SMAP1: variants seen among roughly 807,000 people sequenced by gnomAD.
SMAP1 encodes the protein stromal membrane-associated protein 1.
SMAP1 carries 24 observed loss-of-function variants against 58.5 expected under a neutral mutation model. That is an observed-to-expected ratio of 0.41 (90% CI 0.30 to 0.58). The LOEUF is 0.58. Among genes scored for constraint, SMAP1 ranks in the 20% least tolerant of loss-of-function variants. SMAP1 has a pLI of 0.29. For missense variants in SMAP1, 563 were observed against 566.3 expected (o/e 0.99, Z 0.06); for synonymous variants, 216 against 196.6 (o/e 1.10, Z -0.82).
At chr6:70,806,984 T>C (rs1444274491) in intron 6 of SMAP1, among the ~76,000 whole-genome samples, 1 of 152,202 alleles carries the variant, frequency 6.6e-6, no homozygotes, top group Admixed American at 6.5e-5. Context: ...CATATATGTC[T>C]TCAGGTTCTT....
intron 3 of SMAP1, among the ~76,000 whole-genome samples, chr6:70,771,654 C>A (rs1767320491): frequency 6.6e-6 from 1 of 152,288 alleles, no homozygotes; most frequent in East Asian, 1.9e-4. Flanking sequence ...TGCCGTCTGT[C>A]ACCCCTTTCT....
At chr6:70,770,417 G>A (rs1767227419) in intron 3 of SMAP1, among the ~76,000 whole-genome samples, 1 of 152,122 alleles carries the variant, frequency 6.6e-6, no homozygotes, top group African/African-American at 2.4e-5. Context: ...TTTTCACATA[G>A]TCCCATATTT....
At chr6:70,836,105 A>G (rs1770571157) in intron 6 of SMAP1, among the ~76,000 whole-genome samples, 1 of 152,162 alleles carries the variant, frequency 6.6e-6, no homozygotes, top group South Asian at 2.1e-4. Context: ...GAAGACTCCA[A>G]GGCCTCCCCA....
chr6:70,836,381 T>G (rs1474825102), intron 6 of SMAP1, among the ~76,000 whole-genome samples: 1 of 152,166 alleles, frequency 6.6e-6, no homozygotes, highest in Non-Finnish European at 1.5e-5. Flanking sequence ...GTGATTTAAT[T>G]ACCTCCCACT....
At chr6:70,783,332 T>C (rs1044755681) in intron 4 of SMAP1, among the ~76,000 whole-genome samples, 3 of 151,912 alleles carry the variant, frequency 2.0e-5, no homozygotes, top group African/African-American at 7.3e-5. Context: ...CAAAAGTAGA[T>C]GAAACCACAA....
At chr6:70,684,915 G>T (rs1194459380) in intron 1 of SMAP1, among the ~76,000 whole-genome samples, 1 of 152,164 alleles carries the variant, frequency 6.6e-6, no homozygotes, top group Non-Finnish European at 1.5e-5. Context: ...CTCTCCCACT[G>T]CTGACTCTGA....
At chr6:70,745,287 T>C (rs1029760700) in intron 2 of SMAP1, among the ~76,000 whole-genome samples, 2 of 152,228 alleles carry the variant, frequency 1.3e-5, no homozygotes, top group Non-Finnish European at 2.9e-5. Context: ...CGTTTTCTTA[T>C]AGGGTTTTTA....
intron 1 of SMAP1, among the ~76,000 whole-genome samples, chr6:70,710,746 T>A (rs1768023426): frequency 6.6e-6 from 1 of 152,164 alleles, no homozygotes; most frequent in Admixed American, 6.5e-5. Flanking sequence ...ACTTCAAAAA[T>A]TTTTTAAACT....
Position 70,831,666 on chromosome 6 carries a change from G to C in SMAP1, c.577-5275G>C, listed in dbSNP as rs143045791. Among the ~76,000 whole-genome samples, 10 of 152,162 alleles carry C rather than the reference G, an allele frequency of 6.6e-5. No individual in the cohort carries two copies. In the East Asian group the frequency reaches 1.9e-3, roughly 29 times the overall value. ...CCACATTTTCTTTATCCAGACTACT[G>C]TTGATGGGCATTTAGGTTGATTCCA... On this transcript the variant is annotated intron_variant, in intron 6 of 10. Transcript: ENST00000370455.
intron 7 of SMAP1, 98 bp downstream of exon 7, chr6:70,837,126 C>T (rs1362217986): frequency 1.8e-5 from 14 of 792,094 alleles, no homozygotes; most frequent in Non-Finnish European, 2.0e-5. Flanking sequence ...TATGCCAAAA[C>T]GTACCTGTTA....
At chr6:70,721,498 C>T (rs1252217187) in intron 1 of SMAP1, among the ~76,000 whole-genome samples, 1 of 152,194 alleles carries the variant, frequency 6.6e-6, no homozygotes, top group African/African-American at 2.4e-5. Flanking sequence ...TCCAAACTTT[C>T]CCACATTTTC....
intron 6 of SMAP1, among the ~76,000 whole-genome samples, chr6:70,835,952 TAGA>T (rs952878791): frequency 7.9e-5 from 12 of 152,202 alleles, no homozygotes; most frequent in African/African-American, 2.2e-4. Flanking sequence ...TCCTGAGAAC[TAGA>T]AGAATATTAT....
chr6:70,766,093 G>T (rs984468848), intron 3 of SMAP1, among the ~76,000 whole-genome samples: 7 of 152,120 alleles, frequency 4.6e-5, no homozygotes, highest in Non-Finnish European at 7.3e-5. Flanking sequence ...TTTTATGGCT[G>T]CATAGTATTC....
intron 3 of SMAP1, among the ~76,000 whole-genome samples, chr6:70,759,644 C>G (rs140112577): frequency 5.0e-4 from 76 of 152,112 alleles, no homozygotes; most frequent in African/African-American, 1.6e-3. Flanking sequence ...TTCTTCATTA[C>G]CACCAATTTT....
intron 1 of SMAP1, among the ~76,000 whole-genome samples, chr6:70,689,358 A>T (rs746845879): frequency 6.6e-6 from 1 of 152,146 alleles, no homozygotes. Context: ...GCACCTTTTT[A>T]AAAAAGTTAA....
In SMAP1 at chr6:70,755,236, A is replaced by G. The variant is rs528431292; in HGVS notation, c.338+171A>G. On this transcript the variant is annotated intron_variant, in intron 3 of 10. Coordinates refer to ENST00000370455, the MANE Select transcript of SMAP1 (RefSeq NM_001044305.3). ...GCTTTGTATATGGTAGGTTTTTAGT[A>G]GGAATTTGGCACACAGATTACATAA... Among the ~76,000 whole-genome samples the G allele has an allele frequency of 2.6e-5, 4 of 152,138 alleles. No individual in the cohort carries two copies. The South Asian group carries it at 8.3e-4, about 32-fold the overall frequency.
At chr6:70,684,581 C>G (rs534645383) in intron 1 of SMAP1, among the ~76,000 whole-genome samples, 114 of 152,290 alleles carry the variant, frequency 7.5e-4, no homozygotes, top group African/African-American at 2.7e-3. Context: ...CAAAGTTCAA[C>G]TTCTTTGCCA....
intron 3 of SMAP1, among the ~76,000 whole-genome samples, chr6:70,756,933 G>A (rs1255140424): frequency 6.6e-6 from 1 of 151,970 alleles, no homozygotes; most frequent in Non-Finnish European, 1.5e-5. Context: ...CGTGAAAATG[G>A]CCATACTGCC....
chr6:70,827,477 C>T (rs1050533962), intron 6 of SMAP1, among the ~76,000 whole-genome samples: 3 of 152,150 alleles, frequency 2.0e-5, no homozygotes, highest in Admixed American at 6.5e-5. Flanking sequence ...CAAATTTATT[C>T]CTCCATTTGT....
Sources: gnomAD v4.1 joint callset for allele counts (sites outside exome capture counted in the v4.1 genomes callset) on GRCh38, gnomAD v4.1.1 for gene constraint, MANE v1.5 for transcripts, NCBI Gene and HGNC (gene_info 2026-07-23, HGNC 2026-07-21) for gene names.